The following ZNF831 variants were observed in gnomAD, a reference collection of about 807,000 sequenced individuals.
ZNF831 encodes the protein zinc finger protein 831, also known as chromosome 20 open reading frame 174.
Under a neutral mutation model 95.8 loss-of-function variants are expected in ZNF831, and 59 were observed. The ratio of observed to expected loss-of-function variants is 0.62; its 90% CI spans 0.50 to 0.77. ZNF831 has a LOEUF of 0.77. Ranked by LOEUF, ZNF831 falls within the 30% of genes least tolerant of loss-of-function variation. The pLI, the probability that ZNF831 is intolerant of heterozygous loss-of-function variation, is 0.00. For missense variants in ZNF831, 2,205 were observed against 2,164.0 expected (o/e 1.02, Z -0.38); for synonymous variants, 961 against 925.5 (o/e 1.04, Z -0.70).
intron 1 of ZNF831, among the ~76,000 whole-genome samples, chr20:59,178,362 TGAG>T (rs1272900810): frequency 6.6e-6 from 1 of 152,260 alleles, no homozygotes; most frequent in Non-Finnish European, 1.5e-5. Flanking sequence ...CTCAAGTAAG[TGAG>T]GAACCTCTTC....
chr20:59,224,735 G>T (rs1321056335), intron 4 of ZNF831, among the ~76,000 whole-genome samples: 1 of 152,166 alleles, frequency 6.6e-6, no homozygotes, highest in Non-Finnish European at 1.5e-5. Flanking sequence ...GCAACAACAG[G>T]AATTACTTGC....
At chr20:59,181,167 T>C (rs1982588331) in intron 1 of ZNF831, among the ~76,000 whole-genome samples, 1 of 152,210 alleles carries the variant, frequency 6.6e-6, no homozygotes, top group African/African-American at 2.4e-5. Context: ...GCCGCATAAA[T>C]TGTTTTCTTT....
intron 2 of ZNF831, among the ~76,000 whole-genome samples, chr20:59,155,186 GTT>G (rs1234851766): frequency 6.6e-6 from 1 of 152,052 alleles, no homozygotes; most frequent in Non-Finnish European, 1.5e-5. Context: ...TTTTGTCATT[GTT>G]TCCCAGTTAT....
intron 1 of ZNF831, among the ~76,000 whole-genome samples, chr20:59,123,852 T>C (rs1487867728): frequency 2.0e-5 from 3 of 152,184 alleles, no homozygotes; most frequent in African/African-American, 7.2e-5. Flanking sequence ...GCAGCATTTC[T>C]GGGCTCCAAT....
rs1380391665 is a variant in ZNF831 at position 59,192,835 on chromosome 20, A to C, written c.1816A>C (p.Lys606Gln). The change falls in exon 2 of 6, where the codon AAG becomes CAG. Residue 606 changes from lysine (K) to glutamine (Q), a missense_variant. Transcript: ENST00000371030. The surrounding 1 kb of genome is among the most constrained non-coding windows in gnomAD (Gnocchi z 5.2). ...MAGKGRAGGR[K>Q]CGQRRLKMFS... ...CGGCAAGGGCAGAGCGGGCGGCAGG[A>C]AGTGCGGCCAGAGAAGGCTGAAGAT... The C allele has an allele frequency of 3.1e-6, 5 of 1,607,368 alleles. No homozygotes were observed. Among genetic ancestry groups the C allele is most frequent in the Non-Finnish European group, 3.4e-6 (4 of 1,177,052 alleles).
At chr20:59,174,521 A>C (rs1392022540) in intron 1 of ZNF831, among the ~76,000 whole-genome samples, 1 of 152,214 alleles carries the variant, frequency 6.6e-6, no homozygotes, top group Non-Finnish European at 1.5e-5. Context: ...CATATCAGAC[A>C]GTGTTATAAT....
rs2146543323 is a variant in ZNF831 at position 59,191,149 on chromosome 20, C to T, written c.130C>T (p.Pro44Ser). The T allele has an allele frequency of 6.2e-7, 1 of 1,601,584 alleles. No individual in the cohort carries two copies. The highest frequency in any genetic ancestry group is 1.1e-5 in the South Asian group (1 of 90,534). The change falls in exon 2 of 6, where the codon CCA becomes TCA. Residue 44 changes from proline to serine, a missense_variant. Pro to Ser is a moderately conservative substitution (Grantham distance 74). Transcript: ENST00000371030. ...HLTLGPVLLPPEQGLAPPTVF... is the reference protein window; with the variant it reads ...HLTLGPVLLPSEQGLAPPTVF... Reference sequence around the variant, plus strand: ...GACCCTGGGCCCTGTCCTTCTGCCGCCAGAGCAGGGCCTGGCCCCCCCCAC... The same window carrying T: ...GACCCTGGGCCCTGTCCTTCTGCCGTCAGAGCAGGGCCTGGCCCCCCCCAC...
chr20:59,258,201 C>T lies in ZNF831; in HGVS notation c.*3458C>T, dbSNP rs1568805771. ...TAAAAAAAAAGATGGAGGAGGGTGT[C>T]TCTGAATTTTAATGGAAACACTGCC... is the stretch of plus-strand genomic sequence containing the variant. On this transcript the variant is annotated 3_prime_UTR_variant, in exon 6 of 6. Coordinates refer to ENST00000371030, the MANE Select transcript of ZNF831 (RefSeq NM_178457.3). The T allele has an allele frequency of 6.6e-6, 1 of 152,080 alleles. No individual in the cohort carries two copies. Among genetic ancestry groups the T allele is most frequent in the East Asian group, 1.9e-4 (1 of 5,184 alleles). The allele number at this position is 152,080 out of a possible 1,614,324, so 9.4% of individuals were successfully genotyped here. A position where few individuals can be genotyped will look rare whatever the true frequency, so the allele number is the denominator to read the frequency against.
At chr20:59,150,962 T>A (rs556192616) in intron 2 of ZNF831, among the ~76,000 whole-genome samples, 1 of 152,192 alleles carries the variant, frequency 6.6e-6, no homozygotes, top group African/African-American at 2.4e-5. Context: ...GTGTCAACCA[T>A]GCAAATTATA....
chr20:59,166,705 T>G (rs61148776), intron 1 of ZNF831, among the ~76,000 whole-genome samples: 3,439 of 152,302 alleles, frequency 0.023, 151 homozygotes, highest in African/African-American at 0.079. Context: ...GGGACTGACT[T>G]TTTTCATTCA....
Position 59,254,650 on chromosome 20 carries a change from G to T in ZNF831, c.4941G>T (p.Lys1647Asn). 1 of 1,614,114 alleles carries T rather than the reference G, an allele frequency of 6.2e-7. No homozygotes were observed. The highest frequency in any genetic ancestry group is 8.5e-7 in the Non-Finnish European group (1 of 1,180,032). Residue 1647 changes from lysine to asparagine, a missense_variant, in exon 6 of 6, where the codon AAG (lysine) becomes AAT (asparagine). Transcript: ENST00000371030. This position sits in a 1 kb window ranked among gnomAD's most constrained non-coding sequence, Gnocchi z 4.5. ...CTGAAGCCCCTTCTAAATCCCTCAAGAAGAGGAGTCTGGAAGGAATGAGAA... is the reference window on the plus strand; with the variant it reads ...CTGAAGCCCCTTCTAAATCCCTCAATAAGAGGAGTCTGGAAGGAATGAGAA... ...EIPEAPSKSL[K>N]KRSLEGMRKQ... is the part of the protein sequence containing the mutation.
At chr20:59,242,720 G>T (rs1484596668) in intron 4 of ZNF831, among the ~76,000 whole-genome samples, 1 of 152,196 alleles carries the variant, frequency 6.6e-6, no homozygotes, top group Non-Finnish European at 1.5e-5. Context: ...AAGTACCCTG[G>T]TATGGGTTGC....
intron 1 of ZNF831, among the ~76,000 whole-genome samples, chr20:59,131,817 T>A (rs1482367810): frequency 6.6e-6 from 1 of 152,230 alleles, no homozygotes; most frequent in Non-Finnish European, 1.5e-5. Context: ...TTTATCTCTA[T>A]CCATCCAGGC....
At chr20:59,231,864 C>T (rs1986742766) in intron 4 of ZNF831, among the ~76,000 whole-genome samples, 1 of 152,178 alleles carries the variant, frequency 6.6e-6, no homozygotes, top group Non-Finnish European at 1.5e-5. Flanking sequence ...CACTATTGCC[C>T]ACTGAAGAAT....
intron 4 of ZNF831, among the ~76,000 whole-genome samples, chr20:59,252,396 G>A (rs1452901700): frequency 6.6e-6 from 1 of 152,140 alleles, no homozygotes; most frequent in Non-Finnish European, 1.5e-5. Flanking sequence ...TCATCAGTGC[G>A]GGTGAAGGAT....
rs1327488515 is a variant in ZNF831 at position 59,258,827 on chromosome 20, A to C, written c.*4084A>C. ...ATGATTCTTTTCATCCATGCTTTGC[A>C]CTTACGTAGGAATATACATAATTTG... is the stretch of plus-strand genomic sequence containing the variant. On this transcript the variant is annotated 3_prime_UTR_variant, in exon 6 of 6. Coordinates refer to ENST00000371030, the MANE Select transcript of ZNF831 (RefSeq NM_178457.3). 6 of 152,216 alleles carry C rather than the reference A, an allele frequency of 3.9e-5. No individual in the cohort carries two copies. Among genetic ancestry groups the C allele is most frequent in the Non-Finnish European group, 8.8e-5 (6 of 68,044 alleles). The allele number at this position is 152,216 out of a possible 1,614,324, so 9.4% of individuals were successfully genotyped here.
rs199500498 is a variant in ZNF831, at chr20:59,191,690, C to A, written c.671C>A (p.Pro224His). ...LEEGDKAGEP[P>H]RPEGRGESRC... is the part of the protein sequence containing the mutation. The stretch of plus-strand genomic sequence containing the variant: ...GAAGGGGACAAGGCCGGAGAGCCCC[C>A]CAGACCAGAGGGCAGGGGCGAGAGC... The change falls in exon 2 of 6, where the codon CCC becomes CAC. Residue 224 changes from proline to histidine, a missense_variant. Transcript: ENST00000371030. 8 of 1,562,762 alleles carry A rather than the reference C, an allele frequency of 5.1e-6. No homozygotes were observed. The East Asian group carries it at 1.8e-4, about 35-fold the overall frequency.
Position 59,254,732 on chromosome 20 carries a change from A to G in ZNF831, c.5023A>G (p.Ile1675Val). ...TSSDDEDRLV[I>V]EI ...CAGCGACGATGAAGACCGATTAGTT[A>G]TAGAAATATGAAGCTTCCAGAGAAA... The change falls in exon 6 of 6, where the codon ATA (isoleucine) becomes GTA (valine). Residue 1675 changes from isoleucine (I) to valine (V), a missense_variant. Coordinates refer to ENST00000371030, the MANE Select transcript of ZNF831 (RefSeq NM_178457.3). The surrounding 1 kb of genome is among the most constrained non-coding windows in gnomAD (Gnocchi z 4.5). 6.2e-7 allele frequency: 1 copy of G among 1,602,364 alleles called. No individual in the cohort carries two copies. Among genetic ancestry groups the G allele is most frequent in the South Asian group, 1.1e-5 (1 of 89,566 alleles).
At chr20:59,142,607 G>A (rs117515248) in intron 1 of ZNF831, among the ~76,000 whole-genome samples, 169 of 152,330 alleles carry the variant, frequency 1.1e-3, no homozygotes, top group South Asian at 1.9e-3. Flanking sequence ...TGATCTCAGC[G>A]GAATAGGTTG....
Sources: allele counts gnomAD v4.1 joint callset (sites outside exome capture counted in the v4.1 genomes callset), GRCh38; gene constraint gnomAD v4.1.1; non-coding constraint Gnocchi (gnomAD v3.1); transcripts MANE v1.5; gene names NCBI Gene and HGNC (gene_info 2026-07-23, HGNC 2026-07-21).